The following SP1 variants were observed in gnomAD, a reference collection of about 807,000 sequenced individuals.
SP1 encodes the protein transcription factor Sp1.
In SP1, 6 loss-of-function variants were observed where a neutral mutation model predicts 66.3. That is an observed-to-expected ratio of 0.09 (90% CI 0.05 to 0.18). The LOEUF (loss-of-function observed/expected upper bound fraction) is 0.18, where lower values mean the gene tolerates loss of function less well. SP1 is among the 10% of genes least tolerant of loss of function. SP1 has a pLI of 1.00. For missense variants in SP1, 848 were observed against 964.5 expected (o/e 0.88, Z 1.60); for synonymous variants, 417 against 360.8 (o/e 1.16, Z -1.77).
In SP1 at chr12:53,382,723, C is replaced by T. The variant is rs766800486; in HGVS notation, c.776C>T (p.Ala259Val). Reference protein sequence around the residue: ...QTQYVTNVPVALNGNITLLPV... With the variant: ...QTQYVTNVPVVLNGNITLLPV... ...CAGTATGTGACCAATGTACCAGTGG[C>T]CCTGAATGGGAACATCACCTTGCTA... The change falls in exon 3 of 6, where the codon GCC becomes GTC. Residue 259 changes from alanine (A) to valine (V), a missense_variant. Transcript: ENST00000327443. 6.2e-7 allele frequency: 1 copy of T among 1,614,132 alleles called. No individual in the cohort carries two copies. The highest frequency in any genetic ancestry group is 1.1e-5 in the South Asian group (1 of 91,076).
chr12:53,381,064 G>T (rs376515667), intron 1 of SP1, among the ~76,000 whole-genome samples: 1 of 143,860 alleles, frequency 7.0e-6, no homozygotes, highest in East Asian at 2.1e-4. Context: ...CGATTCTCCT[G>T]CCTCAGCCTC....
chr12:53,380,606 G>T, intron 1 of SP1: 1 of 999,708 alleles, frequency 1.0e-6, no homozygotes, highest in Non-Finnish European at 1.2e-6. Context: ...GGCTCCTCCC[G>T]CCGGGGGCTG....
At chr12:53,386,653 G>A (rs1462684027) in intron 3 of SP1, among the ~76,000 whole-genome samples, 3 of 150,240 alleles carry the variant, frequency 2.0e-5, no homozygotes, top group Non-Finnish European at 3.0e-5. Flanking sequence ...CACCATGCCC[G>A]CCTAATTGTT....
intron 3 of SP1, among the ~76,000 whole-genome samples, chr12:53,396,088 C>T (rs932683648): frequency 2.0e-5 from 3 of 152,050 alleles, no homozygotes; most frequent in African/African-American, 7.2e-5. Context: ...CCATTGCACT[C>T]CAGCCTGGGC....
chr12:53,380,679 C>T (rs902094440), intron 1 of SP1: 20 of 988,248 alleles, frequency 2.0e-5, no homozygotes, highest in African/African-American at 1.0e-4. Context: ...CCTGGTCCGC[C>T]CTCTGGTCGC....
In SP1 at chr12:53,389,216, C is replaced by CT. The variant is rs71443297; in HGVS notation, c.1675+5614dup. ...TACATTCATTATTTTTTAAAATGAT[C>CT]TTTTTTTTTTTTTTTTTTTTGGGAG... On this transcript the variant is annotated intron_variant, in intron 3 of 5. Coordinates refer to ENST00000327443, the MANE Select transcript of SP1 (RefSeq NM_138473.3). Among the ~76,000 whole-genome samples the CT allele has an allele frequency of 7.6e-3, 806 of 106,698 alleles. 5 individuals are homozygous for CT. The highest frequency in any genetic ancestry group is 9.1e-3 in the South Asian group (29 of 3,180). 70.0% of individuals were successfully genotyped at this position (106,698 alleles called of 152,430 possible). A position where few individuals can be genotyped will look rare whatever the true frequency, so the allele number is the denominator to read the frequency against.
chr12:53,381,876 C>A, intron 2 of SP1, 63 bp downstream of exon 2: 2 of 1,543,374 alleles, frequency 1.3e-6, no homozygotes, highest in South Asian at 2.4e-5. Context: ...AGATAATTGC[C>A]TTACTCTTCA....
Position 53,397,652 on chromosome 12 carries a change from C to T in SP1, c.1676-8933C>T, listed in dbSNP as rs1049052917. 3.4e-5 allele frequency among the ~76,000 whole-genome samples: 5 copies of T among 146,838 alleles called. No homozygotes were observed. The South Asian group carries it at 1.1e-3, about 31-fold the overall frequency. Reference sequence around the variant, plus strand: ...CCAGGCTGGAGTGCAGTGGCATGATCTCGGCTCACTGCAACCTGTGCCTCC... The same window carrying T: ...CCAGGCTGGAGTGCAGTGGCATGATTTCGGCTCACTGCAACCTGTGCCTCC... On this transcript the variant is annotated intron_variant, in intron 3 of 5. Transcript: ENST00000327443.
chr12:53,410,436 G>A (rs1267258033), intron 5 of SP1, among the ~76,000 whole-genome samples: 2 of 151,990 alleles, frequency 1.3e-5, no homozygotes, highest in Admixed American at 6.6e-5. Flanking sequence ...CTTCCTTACC[G>A]AGTACTCCCC....
At chr12:53,404,298 A>G (rs1238263808) in intron 3 of SP1, among the ~76,000 whole-genome samples, 12 of 150,242 alleles carry the variant, frequency 8.0e-5, no homozygotes, top group African/African-American at 2.9e-4. Context: ...TTGGGAGGCC[A>G]AGGCGGGCGG....
intron 3 of SP1, among the ~76,000 whole-genome samples, chr12:53,385,633 G>T (rs1218927482): frequency 2.0e-5 from 3 of 146,776 alleles, no homozygotes; most frequent in Non-Finnish European, 4.5e-5. Context: ...TTTGATTATG[G>T]GCTGGGCGCG....
At position 53,413,121 on chromosome 12, in the gene SP1, T is replaced by A. The variant is rs1169968482; in HGVS notation, c.*1881T>A. On this transcript the variant is annotated 3_prime_UTR_variant, in exon 6 of 6. Coordinates refer to ENST00000327443, the MANE Select transcript of SP1 (RefSeq NM_138473.3). ...ATATGTCTACACACAGATGACAAAT[T>A]ATATTTGAAATCGTTGGAAAATAAA... 1 of 152,642 alleles carries A rather than the reference T, an allele frequency of 6.6e-6. No individual in the cohort carries two copies. 9.5% of individuals were successfully genotyped at this position (152,642 alleles called of 1,614,324 possible).
At chr12:53,384,928 T>C (rs1042359514) in intron 3 of SP1, among the ~76,000 whole-genome samples, 4 of 150,346 alleles carry the variant, frequency 2.7e-5, no homozygotes, top group African/African-American at 9.8e-5. Context: ...GAGGTTGCAG[T>C]GAGCCAAGAT....
Position 53,416,344 on chromosome 12 carries a change from T to G in SP1, c.*5104T>G, listed in dbSNP as rs1330125499. The G allele has an allele frequency of 1.7e-4, 22 of 132,734 alleles. No individual in the cohort carries two copies. In the Admixed American group the frequency reaches 1.7e-3, roughly 10 times the overall value. The allele number at this position is 132,734 out of a possible 1,614,324, so 8.2% of individuals were successfully genotyped here. On this transcript the variant is annotated 3_prime_UTR_variant, in exon 6 of 6. Transcript: ENST00000327443. ...TCCTACCTTTTGTCTCTTGGTGTTT[T>G]GGGACTTTTTTTTTTTTTTTTTTGG...
intron 3 of SP1, among the ~76,000 whole-genome samples, chr12:53,405,428 G>A (rs11170541): frequency 0.074 from 11,236 of 152,170 alleles, 590 homozygotes; most frequent in Non-Finnish European, 0.11. Flanking sequence ...CAGCACTTTC[G>A]AAGGCCGAGG....
chr12:53,410,807 CTT>C (rs1385397345), intron 5 of SP1, 118 bp from the exon 6 acceptor site: 1 of 760,098 alleles, frequency 1.3e-6, no homozygotes, highest in East Asian at 2.5e-5. Context: ...GAAGATTTTT[CTT>C]GTTTTTGATC....
rs1054544186 is a variant in SP1, at chr12:53,383,687, C to T, written c.1675+65C>T. 5.2e-6 allele frequency: 7 copies of T among 1,343,996 alleles called. No homozygotes were observed. In the Admixed American group the frequency reaches 7.9e-5, roughly 15 times the overall value. 83.3% of individuals were successfully genotyped at this position (1,343,996 alleles called of 1,614,324 possible). On this transcript the variant is annotated intron_variant, in intron 3 of 5. Coordinates refer to ENST00000327443, the MANE Select transcript of SP1 (RefSeq NM_138473.3). ...CTAGCATCGTAGCTGAAACTTGAGT[C>T]TAAAGAAAGGAATAGAGCCTTTTGA...
At position 53,382,722 on chromosome 12, in the gene SP1, G is replaced by T. The variant is rs1431219593; in HGVS notation, c.775G>T (p.Ala259Ser). The change falls in exon 3 of 6, where the codon GCC becomes TCC. Residue 259 changes from alanine to serine, a missense_variant. Around this residue, in one of 7 missense-constraint regions of SP1, gnomAD observed 606 missense variants for 589.9 expected, o/e 1.03. Coordinates refer to ENST00000327443, the MANE Select transcript of SP1 (RefSeq NM_138473.3). ...TCAGTATGTGACCAATGTACCAGTG[G>T]CCCTGAATGGGAACATCACCTTGCT... ...QTQYVTNVPV[A>S]LNGNITLLPV... is the part of the protein sequence containing the mutation. The T allele has an allele frequency of 6.2e-7, 1 of 1,614,018 alleles. No homozygotes were observed. The highest frequency in any genetic ancestry group is 8.5e-7 in the Non-Finnish European group (1 of 1,180,014).
At chr12:53,391,091 ATTAG>A (rs1357115790) in intron 3 of SP1, among the ~76,000 whole-genome samples, 1 of 152,148 alleles carries the variant, frequency 6.6e-6, no homozygotes, top group Non-Finnish European at 1.5e-5. Flanking sequence ...GTAGATAATA[ATTAG>A]TTGAGTTTTT....
Sources: gnomAD v4.1 joint callset for allele counts (sites outside exome capture counted in the v4.1 genomes callset) on GRCh38, gnomAD v4.1.1 for gene constraint, gnomAD v4.1.1 regional missense constraint, MANE v1.5 for transcripts, NCBI Gene and HGNC (gene_info 2026-07-23, HGNC 2026-07-21) for gene names.